The following GLIS3 variants were observed in gnomAD, a reference collection of about 807,000 sequenced individuals.
GLIS3 encodes zinc finger protein GLIS3.
GLIS3 carries 53 observed loss-of-function variants against 78.6 expected under a neutral mutation model. The observed-to-expected ratio is 0.67, with a 90% CI of 0.54 to 0.85. The LOEUF (loss-of-function observed/expected upper bound fraction) is 0.85. Ranked by LOEUF, GLIS3 falls within the 40% of genes least tolerant of loss-of-function variation. The pLI, the probability that GLIS3 is intolerant of heterozygous loss-of-function variation, is 0.00. For synonymous variants in GLIS3, 684 were observed against 509.9 expected, an observed-to-expected ratio of 1.34 and a Z score of -4.60; for missense variants, 1,703 against 1,231.1, an observed-to-expected ratio of 1.38 and a Z score of -5.74.
intron 2 of GLIS3, among the ~76,000 whole-genome samples, chr9:4,273,894 A>T (rs1284283199): frequency 3.9e-5 from 6 of 151,994 alleles, no homozygotes; most frequent in Non-Finnish European, 8.8e-5. Flanking sequence ...TTCTTGTCCC[A>T]TTTCGTACCC....
chr9:4,195,452 G>A (rs1818735862), intron 2 of GLIS3, among the ~76,000 whole-genome samples: 1 of 152,212 alleles, frequency 6.6e-6, no homozygotes, highest in Admixed American at 6.5e-5. Flanking sequence ...GCCAGCAGCT[G>A]CAGAGGGGAT....
intron 8 of GLIS3, among the ~76,000 whole-genome samples, chr9:3,856,824 T>G (rs1819826605): frequency 6.6e-6 from 1 of 152,114 alleles, no homozygotes; most frequent in South Asian, 2.1e-4. Flanking sequence ...GATAGGAAGA[T>G]GATGTAGGAG....
intron 8 of GLIS3, among the ~76,000 whole-genome samples, chr9:3,871,273 T>G (rs111681427): frequency 3.9e-5 from 6 of 152,226 alleles, no homozygotes; most frequent in African/African-American, 1.4e-4. Context: ...TGGGCTGGCA[T>G]TGGCTTTTGC....
chr9:3,832,057 G>A (rs1818075811), intron 9 of GLIS3, among the ~76,000 whole-genome samples: 1 of 151,670 alleles, frequency 6.6e-6, no homozygotes, highest in South Asian at 2.1e-4. Flanking sequence ...CTTACCAACT[G>A]TGTAGTCTTG....
chr9:4,308,123 C>A (rs1817275825), intron 4 of GLIS3, among the ~76,000 whole-genome samples: 1 of 152,120 alleles, frequency 6.6e-6, no homozygotes, highest in Admixed American at 6.5e-5. Context: ...CCCATCCTTC[C>A]CTTAGCTTCT....
At position 3,932,460 on chromosome 9, in the gene GLIS3, G is replaced by C; in HGVS notation, c.1883C>G (p.Ala628Gly). Reference sequence around the variant, plus strand: ...TTTGGTACATCCTGGAATTTGACAAGCATAAGGTTTCTAAATGAGAAAGAA... The same window carrying C: ...TTTGGTACATCCTGGAATTTGACAACCATAAGGTTTCTAAATGAGAAAGAA... ...QRTHLDTKPYACQIPGCTKRY... is the reference protein window; with the variant it reads ...QRTHLDTKPYGCQIPGCTKRY... Residue 628 changes from alanine to glycine, a missense_variant, in exon 6 of 11, where the codon GCT becomes GGT. By Grantham distance (60) the Ala-to-Gly change is moderately conservative. Coordinates refer to ENST00000381971, the MANE Select transcript of GLIS3 (RefSeq NM_001042413.2). 1 of 1,611,842 alleles carries C rather than the reference G, an allele frequency of 6.2e-7. No individual in the cohort carries two copies. Among genetic ancestry groups the C allele is most frequent in the Non-Finnish European group, 8.5e-7 (1 of 1,178,012 alleles).
chr9:4,075,141 C>T (rs937572901), intron 4 of GLIS3, among the ~76,000 whole-genome samples: 6 of 124,210 alleles, frequency 4.8e-5, no homozygotes, highest in African/African-American at 4.7e-5. Flanking sequence ...GAGATGAATA[C>T]GTTCAGTGCA....
chr9:4,313,357 G>A (rs1048025737), intron 2 of GLIS3, among the ~76,000 whole-genome samples: 1 of 152,120 alleles, frequency 6.6e-6, no homozygotes, highest in Non-Finnish European at 1.5e-5. Flanking sequence ...TCTGCTCACT[G>A]TGCCACCTCC....
rs142703480 is a variant in GLIS3, at chr9:4,011,990, A to G, written c.1711-74801T>C. 3.2e-4 allele frequency among the ~76,000 whole-genome samples: 49 copies of G among 152,298 alleles called. No homozygotes were observed. The East Asian group carries it at 9.1e-3, about 28-fold the overall frequency. On this transcript the variant is annotated intron_variant, in intron 4 of 10. Transcript: ENST00000381971. ...GAAAGGTGACAGGGGAGGGGGAGGTATTAGAGGCACTGAGATCTTTCTTCC... is the reference window on the plus strand; with the variant it reads ...GAAAGGTGACAGGGGAGGGGGAGGTGTTAGAGGCACTGAGATCTTTCTTCC...
chr9:4,363,061 C>T, the GLIS3 span, among the ~76,000 whole-genome samples: 7 of 152,104 alleles, frequency 4.6e-5, no homozygotes, highest in Admixed American at 4.6e-4. Context: ...AGATCAGTTC[C>T]ATTAGGCCCA....
the GLIS3 span, among the ~76,000 whole-genome samples, chr9:4,483,474 CTT>C: frequency 3.9e-5 from 6 of 152,028 alleles, no homozygotes; most frequent in Non-Finnish European, 5.9e-5. Context: ...AATCTCAGCA[CTT>C]TGGGAGGCCA....
chr9:4,084,255 T>TAA (rs1491319318), intron 4 of GLIS3, among the ~76,000 whole-genome samples: 1 of 74,314 alleles, frequency 1.3e-5, no homozygotes, highest in African/African-American at 5.0e-5. Flanking sequence ...TTCCTCTCTC[T>TAA]AACACACACA....
At chr9:3,852,248 A>T (rs1471354911) in intron 9 of GLIS3, among the ~76,000 whole-genome samples, 2 of 152,026 alleles carry the variant, frequency 1.3e-5, no homozygotes, top group Non-Finnish European at 2.9e-5. Flanking sequence ...TTATATTCTT[A>T]TTTGTCTCAG....
chr9:3,874,452 G>A (rs1661768455), intron 8 of GLIS3, among the ~76,000 whole-genome samples: 1 of 152,184 alleles, frequency 6.6e-6, no homozygotes, highest in African/African-American at 2.4e-5. Flanking sequence ...TAGTAAATGT[G>A]TTTCCCTGAG....
intron 4 of GLIS3, among the ~76,000 whole-genome samples, chr9:4,306,308 G>C (rs1206951537): frequency 1.3e-5 from 2 of 152,008 alleles, no homozygotes; most frequent in Non-Finnish European, 2.9e-5. Context: ...TCAGGGTAAA[G>C]TTATGGCTCA....
chr9:4,220,731 A>C (rs1821260151), intron 2 of GLIS3, among the ~76,000 whole-genome samples: 3 of 152,028 alleles, frequency 2.0e-5, no homozygotes, highest in Admixed American at 2.0e-4. Flanking sequence ...CCCCATTTCA[A>C]AGAAAAAAAA....
intron 4 of GLIS3, among the ~76,000 whole-genome samples, chr9:4,084,499 G>C (rs1222375368): frequency 6.6e-6 from 1 of 152,144 alleles, no homozygotes; most frequent in Non-Finnish European, 1.5e-5. Context: ...CTTCACACAA[G>C]GAGACGAGGA....
chr9:3,876,205 G>A (rs1563802397), intron 8 of GLIS3, among the ~76,000 whole-genome samples: 1 of 152,044 alleles, frequency 6.6e-6, no homozygotes, highest in Non-Finnish European at 1.5e-5. Flanking sequence ...TGGAACCCTG[G>A]AACACTGTGT....
chr9:4,123,165 C>CT (rs1228438220), intron 3 of GLIS3, among the ~76,000 whole-genome samples: 21 of 152,180 alleles, frequency 1.4e-4, no homozygotes, highest in African/African-American at 5.1e-4. Context: ...TTTATGAAAA[C>CT]TTTAATATTG....
Sources: gnomAD v4.1 joint callset for allele counts (sites outside exome capture counted in the v4.1 genomes callset) on GRCh38, gnomAD v4.1.1 for gene constraint, MANE v1.5 for transcripts, NCBI Gene and HGNC (gene_info 2026-07-23, HGNC 2026-07-21) for gene names.